Variants in TPO observed in about 807,000 individuals in gnomAD.
TPO encodes thyroid peroxidase, also known as thyroid microsomal antigen.
TPO carries 78 observed loss-of-function variants against 96.9 expected under a neutral mutation model. The observed-to-expected ratio is 0.81, with a 90% CI of 0.67 to 0.97. TPO has a LOEUF of 0.97. TPO is among the 50% of genes least tolerant of loss of function. The pLI is 0.00. For missense variants in TPO, 1,252 were observed against 1,274.8 expected (o/e 0.98, Z 0.27); for synonymous variants, 547 against 538.0 (o/e 1.02, Z -0.23).
At chr2:1,376,506 CACCCGTGGTGATT>C (rs1286660209) in intron 1 of TPO, among the ~76,000 whole-genome samples, 1 of 152,188 alleles carries the variant, frequency 6.6e-6, no homozygotes, top group Non-Finnish European at 1.5e-5. Context: ...GTCTCAACAT[CACCCGTGGTGATT>C]ACACGGGGCA....
At chr2:1,495,767 T>C (rs568114138) in intron 11 of TPO, among the ~76,000 whole-genome samples, 1 of 149,936 alleles carries the variant, frequency 6.7e-6, no homozygotes, top group Non-Finnish European at 1.5e-5. Context: ...AGGTCCTCAG[T>C]GCCTGCACCT....
intron 13 of TPO, among the ~76,000 whole-genome samples, chr2:1,502,326 G>A (rs971857933): frequency 2.0e-5 from 3 of 152,148 alleles, no homozygotes; most frequent in African/African-American, 7.2e-5. Context: ...CTGCTAGATA[G>A]AGACAATTAA....
At chr2:1,407,934 C>T (rs1662271137) in intron 1 of TPO, among the ~76,000 whole-genome samples, 1 of 152,322 alleles carries the variant, frequency 6.6e-6, no homozygotes, top group African/African-American at 2.4e-5. Context: ...TATTCTAATG[C>T]ATACTTGATC....
intron 5 of TPO, among the ~76,000 whole-genome samples, chr2:1,453,231 G>C (rs940101279): frequency 6.6e-6 from 1 of 152,186 alleles, no homozygotes; most frequent in Non-Finnish European, 1.5e-5. Flanking sequence ...AGTTCGCCTG[G>C]ACAATCACAC....
At chr2:1,457,722 T>A (rs28663288) in intron 7 of TPO, among the ~76,000 whole-genome samples, 4 of 151,756 alleles carry the variant, frequency 2.6e-5, no homozygotes, top group Admixed American at 6.6e-5. Flanking sequence ...TGATACTGTG[T>A]GGTCACAAGT....
At chr2:1,384,667 T>C (rs1661859718) in intron 1 of TPO, among the ~76,000 whole-genome samples, 1 of 152,142 alleles carries the variant, frequency 6.6e-6, no homozygotes, top group East Asian at 1.9e-4. Context: ...ACAGGGACAA[T>C]TTGACTTCCT....
chr2:1,537,641 G>A (rs575798990), intron 15 of TPO, among the ~76,000 whole-genome samples: 14 of 69,442 alleles, frequency 2.0e-4, no homozygotes, highest in Non-Finnish European at 3.0e-4. Flanking sequence ...AACATCCCCA[G>A]ATCCCCCCCA....
intron 4 of TPO, among the ~76,000 whole-genome samples, chr2:1,435,296 C>T (rs1018834641): frequency 6.6e-6 from 1 of 152,218 alleles, no homozygotes; most frequent in Admixed American, 6.5e-5. Flanking sequence ...GCATTCCTGT[C>T]AAGAAGAATC....
intron 16 of TPO, 55 bp from the exon 17 acceptor site, chr2:1,542,366 T>C (rs1680860357): frequency 4.4e-6 from 7 of 1,608,726 alleles, no homozygotes; most frequent in Non-Finnish European, 5.9e-6. Flanking sequence ...GTGTGTGCTG[T>C]TACTGGAGCA....
Position 1,473,267 on chromosome 2 carries a change from C to T in TPO, c.820-3819C>T, listed in dbSNP as rs117651084. ...CCATTCATTTTGCACAGTGGACAGT[C>T]TGGGTGCGTTTTATTCCCATTCAGA... On this transcript the variant is annotated intron_variant, in intron 7 of 16. Transcript: ENST00000329066. 8.0e-4 allele frequency among the ~76,000 whole-genome samples: 122 copies of T among 152,286 alleles called. 1 individual carries two copies. In the East Asian group the frequency reaches 0.023, roughly 29 times the overall value.
chr2:1,523,358 CCACT>C (rs1286138103), intron 15 of TPO, among the ~76,000 whole-genome samples: 2 of 124,520 alleles, frequency 1.6e-5, no homozygotes, highest in South Asian at 2.9e-4. Context: ...CTAAATCCCC[CCACT>C]GTGTTCAACC....
rs148803127 is a variant in TPO, at chr2:1,504,535, G to A, written c.2518+456G>A. 2.0e-3 allele frequency among the ~76,000 whole-genome samples: 309 copies of A among 152,310 alleles called. 1 individual carries two copies. The highest frequency in any genetic ancestry group is 7.0e-3 in the African/African-American group (291 of 41,566). On this transcript the variant is annotated intron_variant, in intron 14 of 16. Coordinates refer to ENST00000329066, the MANE Select transcript of TPO (RefSeq NM_001206744.2). ...CCTCCACCTCCGGATGTCCCCGCCC[G>A]GCATGGGGCCTGGGTGCTCAACATC...
At chr2:1,516,804 G>T in intron 14 of TPO, 79 bp from the exon 15 acceptor site, 2 of 1,339,142 alleles carry the variant, frequency 1.5e-6, no homozygotes, top group Non-Finnish European at 2.1e-6. Flanking sequence ...GACAGGGTAT[G>T]GCCCAGACTC....
intron 1 of TPO, among the ~76,000 whole-genome samples, chr2:1,381,961 G>A (rs947707416): frequency 1.2e-4 from 19 of 152,160 alleles, no homozygotes; most frequent in Non-Finnish European, 2.2e-4. Context: ...ACACATAAAC[G>A]CAGCTGTAAA....
chr2:1,392,216 G>C (rs115577193), intron 1 of TPO, among the ~76,000 whole-genome samples: 1,566 of 152,210 alleles, frequency 0.01, 34 homozygotes, highest in African/African-American at 0.036. Context: ...AGCAGGAAAG[G>C]CTGCTGAATT....
chr2:1,514,695 A>G (rs1674504182), intron 14 of TPO, among the ~76,000 whole-genome samples: 1 of 152,246 alleles, frequency 6.6e-6, no homozygotes, highest in African/African-American at 2.4e-5. Context: ...TCAGCTGGGT[A>G]TCTCCCAGAA....
At chr2:1,439,437 G>C (rs1269110879) in intron 5 of TPO, 1 of 152,240 alleles carries the variant, frequency 6.6e-6, no homozygotes, top group Non-Finnish European at 1.5e-5. Flanking sequence ...GAGCCACAGA[G>C]GGCCCCTGAC....
chr2:1,405,073 G>A (rs1208374860), intron 1 of TPO, among the ~76,000 whole-genome samples: 3 of 78,684 alleles, frequency 3.8e-5, no homozygotes, highest in Non-Finnish European at 6.8e-5. Context: ...CATAGACATC[G>A]AGTCATCCAT....
rs555082013 is a variant in TPO, at chr2:1,507,377, G to A, written c.2518+3298G>A. Among the ~76,000 whole-genome samples, 7 of 152,168 alleles carry A rather than the reference G, an allele frequency of 4.6e-5. No individual in the cohort carries two copies. In the East Asian group the frequency reaches 1.4e-3, roughly 29 times the overall value. ...GACTTGGCAATGTGGGCTCTTTTTT[G>A]GTTCCATATGAACTTTAAAGTAGTT... is the stretch of plus-strand genomic sequence containing the variant. On this transcript the variant is annotated intron_variant, in intron 14 of 16. Transcript: ENST00000329066.
Sources: allele counts gnomAD v4.1 joint callset (sites outside exome capture counted in the v4.1 genomes callset), GRCh38; gene constraint gnomAD v4.1.1; transcripts MANE v1.5; gene names NCBI Gene and HGNC (gene_info 2026-07-23, HGNC 2026-07-21).